C5orf15: variants seen among roughly 807,000 people sequenced by gnomAD.
C5orf15 encodes chromosome 5 open reading frame 15.
Under a neutral mutation model 17.8 loss-of-function variants are expected in C5orf15, and 10 were observed. That is an observed-to-expected ratio of 0.56 (90% CI 0.35 to 0.95). The LOEUF is 0.95. Among genes scored for constraint, C5orf15 ranks in the 40% least tolerant of loss-of-function variants. C5orf15 has a pLI of 0.02. For missense variants in C5orf15, 319 were observed against 331.7 expected, an observed-to-expected ratio of 0.96 and a Z score of 0.30; for synonymous variants, 124 against 131.0, an observed-to-expected ratio of 0.95 and a Z score of 0.36.
At chr5:133,963,150 T>C (rs1339437317) in intron 1 of C5orf15, among the ~76,000 whole-genome samples, 5 of 152,230 alleles carry the variant, frequency 3.3e-5, no homozygotes, top group Admixed American at 3.3e-4. Context: ...GCAATTAAAA[T>C]TGTTGGCAAT....
chr5:133,958,734 C>A (rs1752075002), intron 2 of C5orf15, among the ~76,000 whole-genome samples: 1 of 151,814 alleles, frequency 6.6e-6, no homozygotes, highest in African/African-American at 2.4e-5. Context: ...TTTCTAAACT[C>A]TTCTGTTTTC....
intron 1 of C5orf15, chr5:133,967,522 G>A (rs1370501797): frequency 1.3e-5 from 2 of 152,160 alleles, no homozygotes; most frequent in East Asian, 3.8e-4. Context: ...CTTAATAGTG[G>A]ATTTTTCCCA....
intron 1 of C5orf15, among the ~76,000 whole-genome samples, chr5:133,966,743 C>T (rs1752198825): frequency 6.6e-6 from 1 of 152,158 alleles, no homozygotes; most frequent in East Asian, 1.9e-4. Context: ...ACAAAAAATA[C>T]TTATATCCCA....
chr5:133,959,846 T>C lies in C5orf15; in HGVS notation c.314A>G (p.His105Arg). The C allele has an allele frequency of 6.2e-7, 1 of 1,614,110 alleles. No homozygotes were observed. The highest frequency in any genetic ancestry group is 8.5e-7 in the Non-Finnish European group (1 of 1,180,010). ...TTGAGACAGAGGAGTAGGCGAGGGATGAGGGACCACAGATGCTCCTCCACT... is the reference window on the plus strand; with the variant it reads ...TTGAGACAGAGGAGTAGGCGAGGGACGAGGGACCACAGATGCTCCTCCACT... ...KKSGGASVVPHPSPTPLSQEE... is the reference protein window; with the variant it reads ...KKSGGASVVPRPSPTPLSQEE... Residue 105 changes from histidine to arginine, a missense_variant, in exon 2 of 3, where the codon CAT (histidine) becomes CGT (arginine). His to Arg is a conservative substitution (Grantham distance 29). Around this residue, in one of 3 missense-constraint regions of C5orf15, gnomAD observed 17 missense variants for 43.6 expected, o/e 0.39. Coordinates refer to ENST00000231512, the MANE Select transcript of C5orf15 (RefSeq NM_020199.3).
Position 133,959,756 on chromosome 5 carries a change from G to A in C5orf15, c.404C>T (p.Ser135Phe). 1 of 1,614,144 alleles carries A rather than the reference G, an allele frequency of 6.2e-7. No homozygotes were observed. Among genetic ancestry groups the A allele is most frequent in the Non-Finnish European group, 8.5e-7 (1 of 1,180,022 alleles). Residue 135 changes from serine (S) to phenylalanine (F), a missense_variant, in exon 2 of 3, where the codon TCT becomes TTT. By Grantham distance (155) the Ser-to-Phe change is radical. Around this residue, in one of 3 missense-constraint regions of C5orf15, gnomAD observed 175 missense variants for 192.4 expected, o/e 0.91. Coordinates refer to ENST00000231512, the MANE Select transcript of C5orf15 (RefSeq NM_020199.3). ...EEEDLLMLNS[S>F]PSTAKDTLDN... ...TAGAGTGTCTTTGGCTGTGGATGGAGAACTGTTCAGCATGAGAAGATCCTC... is the reference window on the plus strand; with the variant it reads ...TAGAGTGTCTTTGGCTGTGGATGGAAAACTGTTCAGCATGAGAAGATCCTC...
At chr5:133,958,227 T>A (rs1179573319) in intron 2 of C5orf15, among the ~76,000 whole-genome samples, 1 of 151,766 alleles carries the variant, frequency 6.6e-6, no homozygotes, top group East Asian at 1.9e-4. Context: ...AAAAAAATAA[T>A]GTTTTTAAAG....
At chr5:133,966,403 T>G (rs1180032772) in intron 1 of C5orf15, among the ~76,000 whole-genome samples, 1 of 151,998 alleles carries the variant, frequency 6.6e-6, no homozygotes, top group Non-Finnish European at 1.5e-5. Context: ...TAAGTTTAGG[T>G]GATCATTTGG....
At position 133,959,504 on chromosome 5, in the gene C5orf15, T is replaced by C; in HGVS notation, c.656A>G (p.Asn219Ser). 4.7e-6 allele frequency: 7 copies of C among 1,499,008 alleles called. No homozygotes were observed. The highest frequency in any genetic ancestry group is 6.2e-6 in the Non-Finnish European group (7 of 1,124,068). 92.9% of individuals were successfully genotyped at this position (1,499,008 alleles called of 1,614,324 possible). A position where few individuals can be genotyped will look rare whatever the true frequency, so the allele number is the denominator to read the frequency against. The change falls in exon 2 of 3, where the codon AAC (asparagine) becomes AGC (serine). Residue 219 changes from asparagine to serine, a missense_variant. Physicochemically the swap from Asn to Ser is conservative, Grantham distance 46. This residue lies in a region of C5orf15 where 175 missense variants were observed against 192.4 expected (regional missense o/e 0.91). Transcript: ENST00000231512. ...AAATCCCAAACCTACCTTCCTTTTG[T>C]TGTGATATGTAATGTAAACAACAGC... Reference protein sequence around the residue: ...CIAVVYITYHNKRKIFLLVQS... With the variant: ...CIAVVYITYHSKRKIFLLVQS...
intron 2 of C5orf15, among the ~76,000 whole-genome samples, chr5:133,958,095 T>C (rs138089844): frequency 6.6e-6 from 1 of 152,070 alleles, no homozygotes; most frequent in African/African-American, 2.4e-5. Flanking sequence ...GAATCTAGTA[T>C]GTTTTTAGCC....
At chr5:133,967,763 A>G (rs1752217053) in intron 1 of C5orf15, among the ~76,000 whole-genome samples, 1 of 152,274 alleles carries the variant, frequency 6.6e-6, no homozygotes, top group Non-Finnish European at 1.5e-5. Flanking sequence ...CAGGGGCCCA[A>G]CGCCCCAGTA....
rs2126875375 is a variant in C5orf15, at chr5:133,956,056, T to C, written c.*803A>G. Reference sequence around the variant, plus strand: ...TTTATTCAAATTTACTGTAAAATAATAAACGAAGTAAACGAATCTGATATA... The same window carrying C: ...TTTATTCAAATTTACTGTAAAATAACAAACGAAGTAAACGAATCTGATATA... On this transcript the variant is annotated 3_prime_UTR_variant, in exon 3 of 3. Transcript: ENST00000231512. 6.5e-6 allele frequency: 1 copy of C among 152,704 alleles called. No homozygotes were observed. Among genetic ancestry groups the C allele is most frequent in the East Asian group, 1.9e-4 (1 of 5,192 alleles). The allele number at this position is 152,704 out of a possible 1,614,324, so 9.5% of individuals were successfully genotyped here. A position where few individuals can be genotyped will look rare whatever the true frequency, so the allele number is the denominator to read the frequency against.
At chr5:133,960,601 C>T (rs566978153) in intron 1 of C5orf15, among the ~76,000 whole-genome samples, 1 of 152,232 alleles carries the variant, frequency 6.6e-6, no homozygotes, top group South Asian at 2.1e-4. Flanking sequence ...AAGAAGGATC[C>T]TTACAAAGAA....
intron 1 of C5orf15, among the ~76,000 whole-genome samples, chr5:133,963,862 G>A (rs754695013): frequency 3.9e-5 from 6 of 152,076 alleles, no homozygotes; most frequent in Non-Finnish European, 8.8e-5. Flanking sequence ...AAACAATCAG[G>A]CATCCTTCAA....
In C5orf15 at chr5:133,968,509, G is replaced by A. The variant is rs141959187; in HGVS notation, c.76C>T (p.Leu26Phe). 7.3e-5 allele frequency: 117 copies of A among 1,607,354 alleles called. No homozygotes were observed. In the African/African-American group the frequency reaches 1.3e-3, roughly 18 times the overall value. The change falls in exon 1 of 3, where the codon CTT becomes TTT. Residue 26 changes from leucine to phenylalanine, a missense_variant. This residue lies in a region of C5orf15 where 127 missense variants were observed against 95.6 expected (regional missense o/e 1.33). Coordinates refer to ENST00000231512, the MANE Select transcript of C5orf15 (RefSeq NM_020199.3). ...ACCAGCGGCCGCGCCAACCCCACAA[G>A]GGCTTGGATGGCCGACCCGGGCAGC... Reference protein sequence around the residue: ...KLLPGSAIQALVGLARPLVLA... With the variant: ...KLLPGSAIQAFVGLARPLVLA...
chr5:133,962,342 T>C (rs1215375737), intron 1 of C5orf15, among the ~76,000 whole-genome samples: 3 of 152,150 alleles, frequency 2.0e-5, no homozygotes, highest in African/African-American at 7.2e-5. Flanking sequence ...TAAGGACACA[T>C]TTTCCTTTCA....
chr5:133,964,066 A>T (rs1017825200), intron 1 of C5orf15, among the ~76,000 whole-genome samples: 1 of 152,004 alleles, frequency 6.6e-6, no homozygotes, highest in African/African-American at 2.4e-5. Context: ...AAAATACAAA[A>T]ATTAGCTGGG....
At chr5:133,960,524 C>A (rs1396771483) in intron 1 of C5orf15, among the ~76,000 whole-genome samples, 1 of 152,104 alleles carries the variant, frequency 6.6e-6, no homozygotes, top group African/African-American at 2.4e-5. Flanking sequence ...AAGCTATAGG[C>A]ATGCTGTAGA....
chr5:133,968,154 A>G (rs542842778), intron 1 of C5orf15, among the ~76,000 whole-genome samples: 83 of 151,674 alleles, frequency 5.5e-4, no homozygotes, highest in Non-Finnish European at 1.1e-3. Context: ...AACGATCTCT[A>G]GGCGCTAACA....
At chr5:133,966,469 G>C (rs1295312956) in intron 1 of C5orf15, among the ~76,000 whole-genome samples, 1 of 152,182 alleles carries the variant, frequency 6.6e-6, no homozygotes, top group Non-Finnish European at 1.5e-5. Context: ...GCATGACCAA[G>C]AATTAGTCAC....
Sources: gnomAD v4.1 joint callset for allele counts (sites outside exome capture counted in the v4.1 genomes callset) on GRCh38, gnomAD v4.1.1 for gene constraint, gnomAD v4.1.1 regional missense constraint, MANE v1.5 for transcripts, NCBI Gene and HGNC (gene_info 2026-07-23, HGNC 2026-07-21) for gene names.